SLC2A13: variants seen among roughly 807,000 people sequenced by gnomAD.
The protein encoded by SLC2A13 is solute carrier family 2 member 13, also known as proton myo-inositol cotransporter.
A neutral mutation model predicts 64.4 loss-of-function variants in SLC2A13; 32 were observed. That is an observed-to-expected ratio of 0.50 (90% CI 0.37 to 0.67). The LOEUF is 0.67. Among genes scored for constraint, SLC2A13 ranks in the 30% least tolerant of loss-of-function variants. The pLI is 0.00. For synonymous variants in SLC2A13, 338 were observed against 327.1 expected (o/e 1.03, Z -0.36); for missense variants, 743 against 829.2 (o/e 0.90, Z 1.28).
chr12:39,973,560 G>A (rs1179169418), intron 3 of SLC2A13, among the ~76,000 whole-genome samples: 1 of 152,110 alleles, frequency 6.6e-6, no homozygotes, highest in Non-Finnish European at 1.5e-5. Context: ...TTCCACATCT[G>A]CATTGAAATA....
intron 7 of SLC2A13, among the ~76,000 whole-genome samples, chr12:39,828,152 C>G (rs531322104): frequency 3.3e-5 from 5 of 152,076 alleles, no homozygotes. Context: ...TGAACACATC[C>G]TGCCTTTTTG....
intron 1 of SLC2A13, among the ~76,000 whole-genome samples, chr12:40,055,986 C>CAAAAAAAAA (rs1034815442): frequency 6.9e-6 from 1 of 143,970 alleles, no homozygotes; most frequent in African/African-American, 2.7e-5. Context: ...CCAAAAAAAA[C>CAAAAAAAAA]AAACAAAAAA....
chr12:39,947,658 C>CTTT lies in SLC2A13; in HGVS notation c.1034+3596_1034+3598dup, dbSNP rs35298500. Reference sequence around the variant, plus strand: ...TTAGAATAGATCACAGTGAGAATTTCTTTTTTTTTTTTTTTTTTTTGAGAC... The same window carrying CTTT: ...TTAGAATAGATCACAGTGAGAATTTCTTTTTTTTTTTTTTTTTTTTTTTGAGAC... On this transcript the variant is annotated intron_variant, in intron 4 of 9. Transcript: ENST00000280871. 1.6e-3 allele frequency among the ~76,000 whole-genome samples: 197 copies of CTTT among 122,214 alleles called. 3 individuals carry two copies. Among genetic ancestry groups the CTTT allele is most frequent in the Admixed American group, 0.014 (168 of 11,944 alleles). 80.2% of individuals were successfully genotyped at this position (122,214 alleles called of 152,430 possible). A position where few individuals can be genotyped will look rare whatever the true frequency, so the allele number is the denominator to read the frequency against.
rs544352572 is a variant in SLC2A13 at position 39,996,161 on chromosome 12, G to A, written c.925+32140C>T. On this transcript the variant is annotated intron_variant, in intron 3 of 9. Transcript: ENST00000280871. ...CAAATGGAGATGAAGAACTTATTGC[G>A]GAATGGAGTAAAGGTGACTCTTGTT... Among the ~76,000 whole-genome samples the A allele has an allele frequency of 7.2e-5, 11 of 152,278 alleles. 1 individual carries two copies. Among genetic ancestry groups the A allele is most frequent in the South Asian group, 6.2e-4 (3 of 4,816 alleles).
At chr12:39,999,452 AC>A (rs1398847951) in intron 3 of SLC2A13, among the ~76,000 whole-genome samples, 3 of 152,222 alleles carry the variant, frequency 2.0e-5, no homozygotes, top group Admixed American at 6.5e-5. Flanking sequence ...AGGTCTACAA[AC>A]AGCCGCTCTG....
At chr12:39,969,026 T>C (rs1324092699) in intron 3 of SLC2A13, among the ~76,000 whole-genome samples, 2 of 151,904 alleles carry the variant, frequency 1.3e-5, no homozygotes, top group Non-Finnish European at 2.9e-5. Context: ...TCAATTCCCA[T>C]CTATGAGTGA....
intron 7 of SLC2A13, among the ~76,000 whole-genome samples, chr12:39,812,278 G>A (rs955227165): frequency 3.3e-5 from 5 of 152,032 alleles, no homozygotes; most frequent in Non-Finnish European, 5.9e-5. Context: ...CCACCCTCAT[G>A]ACCTAATCAC....
At chr12:39,919,127 T>C (rs966295654) in intron 4 of SLC2A13, among the ~76,000 whole-genome samples, 3 of 151,908 alleles carry the variant, frequency 2.0e-5, no homozygotes, top group Admixed American at 6.6e-5. Flanking sequence ...ACTACACGCT[T>C]GTGTGCCACC....
rs139789101 is a variant in SLC2A13, at chr12:39,944,999, C to T, written c.1034+6258G>A. The stretch of plus-strand genomic sequence containing the variant: ...AAGAGTTTCTGTTTTGAGGTGTTTC[C>T]AGGATTTGTTTCAAGATTTAGAGCT... On this transcript the variant is annotated intron_variant, in intron 4 of 9. Transcript: ENST00000280871. Among the ~76,000 whole-genome samples, 588 of 152,102 alleles carry T rather than the reference C, an allele frequency of 3.9e-3. 1 individual carries two copies. The highest frequency in any genetic ancestry group is 0.013 in the African/African-American group (547 of 41,492).
At chr12:39,788,314 T>G (rs1019152689) in intron 7 of SLC2A13, among the ~76,000 whole-genome samples, 2 of 152,158 alleles carry the variant, frequency 1.3e-5, no homozygotes, top group African/African-American at 4.8e-5. Context: ...TCACTACTCT[T>G]GTGCTTTGGG....
intron 6 of SLC2A13, among the ~76,000 whole-genome samples, chr12:39,839,349 G>GGAAACT (rs1461856273): frequency 1.3e-5 from 2 of 151,848 alleles, no homozygotes; most frequent in Non-Finnish European, 2.9e-5. Context: ...CATGTAAGTA[G>GGAAACT]GAAACTCATG....
At chr12:40,036,076 C>G (rs1310125614) in intron 2 of SLC2A13, among the ~76,000 whole-genome samples, 2 of 152,104 alleles carry the variant, frequency 1.3e-5, no homozygotes, top group East Asian at 1.9e-4. Context: ...TATAGAGAAA[C>G]AGTAATGATC....
chr12:39,819,118 G>T (rs1361784679), intron 7 of SLC2A13, among the ~76,000 whole-genome samples: 2 of 152,170 alleles, frequency 1.3e-5, no homozygotes, highest in Non-Finnish European at 2.9e-5. Context: ...CAGAAGTTAT[G>T]ATGGTTGAAA....
At chr12:40,046,023 C>T (rs1290926999) in intron 2 of SLC2A13, among the ~76,000 whole-genome samples, 1 of 152,194 alleles carries the variant, frequency 6.6e-6, no homozygotes, top group Non-Finnish European at 1.5e-5. Context: ...CCATCTTTTA[C>T]TCAATTCATC....
chr12:39,762,311 AG>A (rs1317468519), intron 9 of SLC2A13, among the ~76,000 whole-genome samples: 2 of 149,934 alleles, frequency 1.3e-5, no homozygotes, highest in Non-Finnish European at 3.0e-5. Context: ...ACTATTGAAC[AG>A]TTAGATATTC....
chr12:39,939,013 T>C (rs1401597930), intron 4 of SLC2A13, among the ~76,000 whole-genome samples: 1 of 152,108 alleles, frequency 6.6e-6, no homozygotes, highest in East Asian at 1.9e-4. Flanking sequence ...ACACTCAAGT[T>C]GAGGGAATGG....
chr12:39,868,751 G>C (rs544536035), intron 5 of SLC2A13, among the ~76,000 whole-genome samples: 1 of 152,240 alleles, frequency 6.6e-6, no homozygotes, highest in South Asian at 2.1e-4. Flanking sequence ...CATTAAATTT[G>C]TAATATTTAC....
At position 39,846,870 on chromosome 12, in the gene SLC2A13, C is replaced by T. The variant is rs556386802; in HGVS notation, c.1320-16642G>A. On this transcript the variant is annotated intron_variant, in intron 6 of 9. Coordinates refer to ENST00000280871, the MANE Select transcript of SLC2A13 (RefSeq NM_052885.4). ...GCAAAGCTCTTAGTAAAGTGATCCA[C>T]ACAATGTTAACTATATAATAAATGG... Among the ~76,000 whole-genome samples, 7 of 152,266 alleles carry T rather than the reference C, an allele frequency of 4.6e-5. No homozygotes were observed. In the South Asian group the frequency reaches 1.2e-3, roughly 27 times the overall value.
At chr12:40,056,642 A>G (rs1280845863) in intron 1 of SLC2A13, among the ~76,000 whole-genome samples, 3 of 152,190 alleles carry the variant, frequency 2.0e-5, no homozygotes, top group Non-Finnish European at 4.4e-5. Context: ...AATCAGAGCT[A>G]AAAGGACGTG....
Sources: gnomAD v4.1 joint callset for allele counts (sites outside exome capture counted in the v4.1 genomes callset) on GRCh38, gnomAD v4.1.1 for gene constraint, MANE v1.5 for transcripts, NCBI Gene and HGNC (gene_info 2026-07-23, HGNC 2026-07-21) for gene names.